RBFOX1: variants seen among roughly 807,000 people sequenced by gnomAD.
RBFOX1 encodes RNA binding fox-1 homolog 1.
Under a neutral mutation model 57.7 loss-of-function variants are expected in RBFOX1, and 8 were observed. The ratio of observed to expected loss-of-function variants is 0.14; its 90% CI spans 0.08 to 0.25. The LOEUF (loss-of-function observed/expected upper bound fraction) is 0.25. RBFOX1 is among the 10% of genes least tolerant of loss of function. The pLI is 1.00. For missense variants in RBFOX1, 611 were observed against 548.5 expected (o/e 1.11, Z -1.14); for synonymous variants, 326 against 222.4 (o/e 1.47, Z -4.15).
At chr16:5,551,469 C>T (rs987395281) in intron 2 of RBFOX1, among the ~76,000 whole-genome samples, 1 of 152,134 alleles carries the variant, frequency 6.6e-6, no homozygotes, top group Non-Finnish European at 1.5e-5. Flanking sequence ...CCTGCTGCAG[C>T]CAGGGAGTTC....
chr16:5,372,507 C>G (rs576208795), intron 1 of RBFOX1, among the ~76,000 whole-genome samples: 1 of 152,332 alleles, frequency 6.6e-6, no homozygotes, highest in African/African-American at 2.4e-5. Context: ...GTCTCCAGGA[C>G]TCTGATTCCT....
intron 4 of RBFOX1, among the ~76,000 whole-genome samples, chr16:7,473,829 T>C (rs1372544073): frequency 6.6e-6 from 1 of 152,164 alleles, no homozygotes; most frequent in Non-Finnish European, 1.5e-5. Context: ...TCATAGACAA[T>C]TCTAGTGATT....
intron 3 of RBFOX1, among the ~76,000 whole-genome samples, chr16:6,941,395 A>G (rs2078489025): frequency 1.4e-5 from 2 of 147,952 alleles, no homozygotes; most frequent in Admixed American, 1.4e-4. Context: ...CCGTGTGGAA[A>G]CTCAGTTTTC....
At chr16:6,858,759 T>C (rs1298631215) in intron 3 of RBFOX1, among the ~76,000 whole-genome samples, 1 of 152,128 alleles carries the variant, frequency 6.6e-6, no homozygotes, top group African/African-American at 2.4e-5. Context: ...AACACATCTT[T>C]ATTCTTAGTT....
intron 2 of RBFOX1, among the ~76,000 whole-genome samples, chr16:6,427,386 T>C (rs999707125): frequency 1.3e-5 from 2 of 152,214 alleles, no homozygotes; most frequent in African/African-American, 4.8e-5. Flanking sequence ...ATTGTTGAAA[T>C]ATGGCTGGTG....
In RBFOX1 at chr16:5,727,731, C is replaced by G. The variant is rs571757762; in HGVS notation, c.318+128770C>G. Among the ~76,000 whole-genome samples, 3 of 152,298 alleles carry G rather than the reference C, an allele frequency of 2.0e-5. No homozygotes were observed. In the East Asian group the frequency reaches 5.8e-4, roughly 29 times the overall value. On this transcript the variant is annotated intron_variant, in intron 3 of 19. Transcript: ENST00000641259. ...AGAGACAAGGTCTTACCTTGTCACCCAGGTTGAGTACAGTGGTGTTATCAT... is the reference window on the plus strand; with the variant it reads ...AGAGACAAGGTCTTACCTTGTCACCGAGGTTGAGTACAGTGGTGTTATCAT...
chr16:6,694,122 C>G (rs2060667436), intron 3 of RBFOX1, among the ~76,000 whole-genome samples: 1 of 152,196 alleles, frequency 6.6e-6, no homozygotes, highest in South Asian at 2.1e-4. Context: ...AGAGTTTCAT[C>G]TTTTGTTTAA....
At chr16:6,316,962 G>A (rs1240128823) in intron 1 of RBFOX1, 33 bp from the exon 2 acceptor site, 3 of 1,520,314 alleles carry the variant, frequency 2.0e-6, no homozygotes, top group African/African-American at 1.4e-5. Context: ...TACATTTCTT[G>A]ATACTAAAGT....
At chr16:7,233,487 C>T (rs760155068) in intron 4 of RBFOX1, among the ~76,000 whole-genome samples, 6 of 152,050 alleles carry the variant, frequency 3.9e-5, no homozygotes, top group East Asian at 1.9e-4. Flanking sequence ...GACAGCAGGC[C>T]GTCGATCAGC....
chr16:7,485,386 G>C (rs945914502), intron 4 of RBFOX1, among the ~76,000 whole-genome samples: 6 of 152,164 alleles, frequency 3.9e-5, no homozygotes, highest in African/African-American at 7.2e-5. Flanking sequence ...AGTTTACCTT[G>C]TACTTTTATT....
intron 1 of RBFOX1, among the ~76,000 whole-genome samples, chr16:6,240,985 C>T (rs2097537234): frequency 6.6e-6 from 1 of 152,192 alleles, no homozygotes; most frequent in Admixed American, 6.5e-5. Flanking sequence ...ACCGTAGATA[C>T]TCCTTCTGAC....
At chr16:7,072,055 A>G (rs142037361) in intron 4 of RBFOX1, among the ~76,000 whole-genome samples, 106 of 152,324 alleles carry the variant, frequency 7.0e-4, no homozygotes, top group African/African-American at 2.3e-3. Flanking sequence ...GATTATTTCA[A>G]TAGCATTCCA....
At chr16:5,518,247 C>T (rs1049453203) in intron 2 of RBFOX1, among the ~76,000 whole-genome samples, 1 of 152,162 alleles carries the variant, frequency 6.6e-6, no homozygotes, top group Non-Finnish European at 1.5e-5. Flanking sequence ...TAAAGTGCAT[C>T]GTATACTGAC....
At chr16:6,878,701 C>T (rs974899151) in intron 3 of RBFOX1, among the ~76,000 whole-genome samples, 1 of 152,078 alleles carries the variant, frequency 6.6e-6, no homozygotes, top group African/African-American at 2.4e-5. Context: ...CAGAAAGTAA[C>T]AGAAATTCAG....
rs140682185 is a variant in RBFOX1, at chr16:7,455,476, T to A, written c.28-62671T>A. Among the ~76,000 whole-genome samples the A allele has an allele frequency of 4.3e-3, 661 of 152,218 alleles. 6 individuals carry two copies. The highest frequency in any genetic ancestry group is 0.015 in the African/African-American group (616 of 41,536). ...AATATTTACATAGATATGGACATTT[T>A]GTGGGGATAATATAAGAAATCTTAT... is the stretch of plus-strand genomic sequence containing the variant. On this transcript the variant is annotated intron_variant, in intron 4 of 15. Transcript: ENST00000550418.
Position 7,011,645 on chromosome 16 carries a change from C to G in RBFOX1, c.-15-40412C>G, listed in dbSNP as rs951017401. ...TATCCAGCCTCAGCCTTCAAAGTACCTGGGACTACAGGTGCCTGCCACCAT... is the reference window on the plus strand; with the variant it reads ...TATCCAGCCTCAGCCTTCAAAGTACGTGGGACTACAGGTGCCTGCCACCAT... On this transcript the variant is annotated intron_variant, in intron 3 of 15. Transcript: ENST00000550418. Among the ~76,000 whole-genome samples, 8 of 152,258 alleles carry G rather than the reference C, an allele frequency of 5.3e-5. 1 individual carries two copies. In the South Asian group the frequency reaches 8.3e-4, roughly 16 times the overall value.
chr16:7,677,160 C>CACACACACACACACACACACACACACA (rs1555762483), intron 14 of RBFOX1, among the ~76,000 whole-genome samples: 26 of 151,198 alleles, frequency 1.7e-4, no homozygotes, highest in Non-Finnish European at 3.4e-4. Flanking sequence ...CACACACACA[C>CACACACACACACACACACACACACACA]CGTACAACCT....
chr16:5,678,351 T>C (rs2050227342), intron 3 of RBFOX1, among the ~76,000 whole-genome samples: 1 of 152,248 alleles, frequency 6.6e-6, no homozygotes. Context: ...TGTTGCAATT[T>C]GTTGAACAAA....
At chr16:5,276,384 C>T (rs571612908) in intron 1 of RBFOX1, among the ~76,000 whole-genome samples, 70 of 152,124 alleles carry the variant, frequency 4.6e-4, no homozygotes, top group African/African-American at 1.7e-3. Flanking sequence ...AGGCAGTTCC[C>T]AAAAGAAGAT....
Sources: allele counts gnomAD v4.1 joint callset (sites outside exome capture counted in the v4.1 genomes callset), GRCh38; gene constraint gnomAD v4.1.1; transcripts MANE v1.5; gene names NCBI Gene and HGNC (gene_info 2026-07-23, HGNC 2026-07-21).